The following METAP2 variants were observed in gnomAD, a reference collection of about 807,000 sequenced individuals.
METAP2 encodes methionyl aminopeptidase 2.
Under a neutral mutation model 59.4 loss-of-function variants are expected in METAP2, and 25 were observed. That is an observed-to-expected ratio of 0.42 (90% CI 0.31 to 0.59). METAP2 has a LOEUF of 0.59. METAP2 is among the 20% of genes least tolerant of loss of function. The probability of loss-of-function intolerance (pLI) is 0.16; values close to 1 mark genes in which losing one functional copy is unlikely to be tolerated. For synonymous variants in METAP2, 214 were observed against 194.1 expected, an observed-to-expected ratio of 1.10 and a Z score of -0.85; for missense variants, 366 against 581.2, an observed-to-expected ratio of 0.63 and a Z score of 3.81.
At chr12:95,496,196 A>T in intron 7 of METAP2, 98 bp downstream of exon 7, 1 of 689,174 alleles carries the variant, frequency 1.5e-6, no homozygotes, top group Non-Finnish European at 2.4e-6. Flanking sequence ...AGGCCTGTTT[A>T]AGGGCTTTGG....
At chr12:95,484,266 G>A (rs532632463) in intron 3 of METAP2, among the ~76,000 whole-genome samples, 1 of 151,840 alleles carries the variant, frequency 6.6e-6, no homozygotes, top group African/African-American at 2.4e-5. Context: ...GCATTTAGGC[G>A]TCCATCATTA....
At chr12:95,507,841 C>G (rs1268029460) in intron 8 of METAP2, among the ~76,000 whole-genome samples, 1 of 150,944 alleles carries the variant, frequency 6.6e-6, no homozygotes, top group Non-Finnish European at 1.5e-5. Context: ...CAATGGTGCG[C>G]GATCTCGGCT....
chr12:95,490,913 G>C (rs528430054), intron 4 of METAP2, among the ~76,000 whole-genome samples: 12 of 152,184 alleles, frequency 7.9e-5, no homozygotes, highest in Middle Eastern at 3.4e-3. Flanking sequence ...CTGGAATTAG[G>C]TGTTAATGGG....
At chr12:95,476,539 A>AGAGAGAGAGAGAGAGAGAGAG (rs773224806) in intron 2 of METAP2, among the ~76,000 whole-genome samples, 50 of 148,676 alleles carry the variant, frequency 3.4e-4, no homozygotes, top group Middle Eastern at 3.5e-3. Flanking sequence ...AGAAAGAAAG[A>AGAGAGAGAGAGAGAGAGAGAG]AAAGCTAGAA....
At chr12:95,503,572 G>A (rs11108076) in intron 7 of METAP2, among the ~76,000 whole-genome samples, 6,917 of 152,206 alleles carry the variant, frequency 0.045, 218 homozygotes, top group Non-Finnish European at 0.067. Flanking sequence ...CTGTATCTGC[G>A]CCTATGTGAC....
intron 7 of METAP2, among the ~76,000 whole-genome samples, chr12:95,497,988 C>A (rs900888265): frequency 6.6e-6 from 1 of 150,888 alleles, no homozygotes; most frequent in African/African-American, 2.4e-5. Context: ...AAAAAAATAG[C>A]TGGGTGTGGT....
chr12:95,495,587 G>A (rs2076270510), intron 6 of METAP2, among the ~76,000 whole-genome samples: 1 of 152,126 alleles, frequency 6.6e-6, no homozygotes, highest in Non-Finnish European at 1.5e-5. Flanking sequence ...AAGTGAGAAA[G>A]CAAGCTTAGA....
chr12:95,480,738 T>G (rs557982309), intron 2 of METAP2, among the ~76,000 whole-genome samples: 39 of 152,362 alleles, frequency 2.6e-4, no homozygotes, highest in Middle Eastern at 3.4e-3. Context: ...GTTCATTGTA[T>G]ATTCTGGTTG....
chr12:95,479,338 GTGGACTC>G (rs1223357022), intron 2 of METAP2, among the ~76,000 whole-genome samples: 1 of 152,218 alleles, frequency 6.6e-6, no homozygotes, highest in Non-Finnish European at 1.5e-5. Context: ...TAAGGCATTA[GTGGACTC>G]TGGGAGTTTG....
intron 4 of METAP2, among the ~76,000 whole-genome samples, chr12:95,486,252 C>G (rs567046568): frequency 2.5e-4 from 38 of 150,966 alleles, no homozygotes; most frequent in Non-Finnish European, 5.3e-4. Flanking sequence ...TTTCACCTCT[C>G]TTGAAATTTG....
chr12:95,493,042 A>G (rs950229346), intron 4 of METAP2, among the ~76,000 whole-genome samples: 6 of 152,246 alleles, frequency 3.9e-5, no homozygotes, highest in African/African-American at 1.4e-4. Flanking sequence ...ATTTATACTC[A>G]GTGGTCACTA....
At chr12:95,513,421 CG>C (rs548737188) in intron 10 of METAP2, among the ~76,000 whole-genome samples, 13 of 152,148 alleles carry the variant, frequency 8.5e-5, no homozygotes, top group Non-Finnish European at 1.5e-4. Flanking sequence ...CGCGCGCGCA[CG>C]TAGACACGTA....
intron 2 of METAP2, among the ~76,000 whole-genome samples, chr12:95,478,275 C>G (rs935403831): frequency 1.3e-5 from 2 of 152,174 alleles, no homozygotes; most frequent in Non-Finnish European, 2.9e-5. Context: ...TCAGTCAATA[C>G]TACTTACCTG....
chr12:95,497,971 C>G (rs1019317568), intron 7 of METAP2, among the ~76,000 whole-genome samples: 1 of 146,086 alleles, frequency 6.8e-6, no homozygotes, highest in Admixed American at 6.7e-5. Flanking sequence ...ACTAAAAATA[C>G]CAAAAAAAAA....
intron 7 of METAP2, among the ~76,000 whole-genome samples, chr12:95,496,817 CT>C (rs2076278698): frequency 8.3e-6 from 1 of 120,522 alleles, no homozygotes; most frequent in Admixed American, 8.2e-5. Flanking sequence ...TTAACTTTTT[CT>C]TTCTTTTTTT....
Position 95,512,015 on chromosome 12 carries a change from C to T in METAP2, c.1068+17C>T. On this transcript the variant is annotated intron_variant, in intron 9 of 10. Coordinates refer to ENST00000323666, the MANE Select transcript of METAP2 (RefSeq NM_006838.4). ...AGAATGGAGGTATGTGTGTCACTAA[C>T]ATTTTACTTCCATGGAAGACATTTT... The T allele has an allele frequency of 3.2e-6, 5 of 1,557,176 alleles. No individual in the cohort carries two copies. The highest frequency in any genetic ancestry group is 4.4e-6 in the Non-Finnish European group (5 of 1,129,920).
intron 4 of METAP2, among the ~76,000 whole-genome samples, chr12:95,487,329 A>G (rs1440547087): frequency 6.6e-6 from 1 of 151,742 alleles, no homozygotes; most frequent in Non-Finnish European, 1.5e-5. Context: ...TTTTTTTTTA[A>G]AACATAGAAA....
intron 7 of METAP2, among the ~76,000 whole-genome samples, chr12:95,499,428 A>G (rs117098170): frequency 0.014 from 2,158 of 152,120 alleles, 22 homozygotes; most frequent in Non-Finnish European, 0.022. Context: ...GGCATGAACT[A>G]TTGTGTCTGA....
chr12:95,476,127 C>G lies in METAP2; in HGVS notation c.208C>G (p.Gln70Glu). 6.2e-7 allele frequency: 1 copy of G among 1,612,210 alleles called. No homozygotes were observed. Among genetic ancestry groups the G allele is most frequent in the Non-Finnish European group, 8.5e-7 (1 of 1,179,176 alleles). ...SGASVDEVAR[Q>E]LERSALEDKE... The stretch of plus-strand genomic sequence containing the variant: ...AGCCTCAGTGGATGAAGTAGCAAGA[C>G]AGTTGGAAAGATCAGCATTGGAAGA... Residue 70 changes from glutamine (Q) to glutamate (E), a missense_variant, in exon 2 of 11, where the codon CAG becomes GAG. Gln to Glu is a conservative substitution (Grantham distance 29). This residue lies in a region of METAP2 where 177 missense variants were observed against 180.3 expected (regional missense o/e 0.98). Transcript: ENST00000323666.
Sources: gnomAD v4.1 joint callset for allele counts (sites outside exome capture counted in the v4.1 genomes callset) on GRCh38, gnomAD v4.1.1 for gene constraint, gnomAD v4.1.1 regional missense constraint, MANE v1.5 for transcripts, NCBI Gene and HGNC (gene_info 2026-07-23, HGNC 2026-07-21) for gene names.